NBAS: variants seen among roughly 807,000 people sequenced by gnomAD.
NBAS encodes NBAS subunit of NRZ tethering complex.
NBAS carries 219 observed loss-of-function variants against 302.5 expected under a neutral mutation model. The ratio of observed to expected loss-of-function variants is 0.72; its 90% CI spans 0.65 to 0.81. NBAS has a LOEUF of 0.81. Among genes scored for constraint, NBAS ranks in the 30% least tolerant of loss-of-function variants. The pLI is 0.00. For missense variants in NBAS, 2,932 were observed against 2,841.6 expected (o/e 1.03, Z -0.72); for synonymous variants, 1,118 against 1,021.6 (o/e 1.09, Z -1.80).
chr2:15,023,644 T>C, the NBAS span, among the ~76,000 whole-genome samples: 2 of 79,700 alleles, frequency 2.5e-5, no homozygotes, highest in African/African-American at 4.8e-5. Flanking sequence ...TTATATCTTA[T>C]AGTGATTTTC....
the NBAS span, among the ~76,000 whole-genome samples, chr2:15,074,806 AG>A: frequency 6.6e-6 from 1 of 152,198 alleles, no homozygotes; most frequent in African/African-American, 2.4e-5. Context: ...GAGAAAGCCA[AG>A]TAATAGATCT....
chr2:15,368,700 T>G (rs1290837362), intron 31 of NBAS, among the ~76,000 whole-genome samples: 1 of 152,180 alleles, frequency 6.6e-6, no homozygotes, highest in Non-Finnish European at 1.5e-5. Flanking sequence ...ATATCCCAAA[T>G]TCCTGCTTCA....
chr2:15,351,737 T>TTCTTTACC (rs1042840645), intron 35 of NBAS, among the ~76,000 whole-genome samples: 1 of 152,090 alleles, frequency 6.6e-6, no homozygotes, highest in African/African-American at 2.4e-5. Flanking sequence ...TAGGTACTGC[T>TTCTTTACC]TCTTTACCTG....
At chr2:15,039,252 G>T in the NBAS span, among the ~76,000 whole-genome samples, 2 of 152,166 alleles carry the variant, frequency 1.3e-5, no homozygotes, top group Admixed American at 1.3e-4. Flanking sequence ...AAAGCTATTG[G>T]CGTTGCTGCG....
the NBAS span, among the ~76,000 whole-genome samples, chr2:14,904,217 C>T: frequency 3.3e-5 from 5 of 152,178 alleles, no homozygotes; most frequent in Non-Finnish European, 5.9e-5. Context: ...AACTGGCTCA[C>T]ACGATCACGA....
rs1370149748 is a variant in NBAS, at chr2:15,473,203, C to T, written c.1725+19G>A. On this transcript the variant is annotated intron_variant, in intron 16 of 51. Transcript: ENST00000281513. ...CATGAATATACATTTTACCACATTA[C>T]CAAAATATTTAAACATACCAAATAA... The T allele has an allele frequency of 1.2e-6, 2 of 1,612,912 alleles. No homozygotes were observed. Among genetic ancestry groups the T allele is most frequent in the Admixed American group, 3.3e-5 (2 of 59,970 alleles).
the NBAS span, among the ~76,000 whole-genome samples, chr2:14,871,111 GA>G: frequency 6.6e-6 from 1 of 150,580 alleles, no homozygotes; most frequent in Non-Finnish European, 1.5e-5. Flanking sequence ...CACACAGAAG[GA>G]AAAAAAGATT....
At chr2:15,342,910 G>A (rs1231856164) in intron 35 of NBAS, among the ~76,000 whole-genome samples, 1 of 151,306 alleles carries the variant, frequency 6.6e-6, no homozygotes, top group African/African-American at 2.4e-5. Flanking sequence ...ATAAACTCCA[G>A]TCAACATGGG....
At chr2:15,392,619 AAAG>A (rs143934227) in intron 28 of NBAS, among the ~76,000 whole-genome samples, 2,047 of 152,156 alleles carry the variant, frequency 0.013, 31 homozygotes, top group East Asian at 0.059. Context: ...TAAAGAAATT[AAAG>A]AAGAACTAAG....
chr2:15,024,198 C>T, the NBAS span, among the ~76,000 whole-genome samples: 1 of 141,770 alleles, frequency 7.1e-6, no homozygotes, highest in Admixed American at 7.4e-5. Flanking sequence ...TATTTAGCTC[C>T]CACTTATAAG....
At chr2:15,012,808 C>T in the NBAS span, among the ~76,000 whole-genome samples, 36 of 151,888 alleles carry the variant, frequency 2.4e-4, no homozygotes, top group African/African-American at 8.2e-4. Flanking sequence ...GCAAAACTAC[C>T]CTTCAGAAAT....
chr2:15,385,867 G>T (rs779189478), intron 28 of NBAS, among the ~76,000 whole-genome samples: 6 of 152,064 alleles, frequency 3.9e-5, no homozygotes, highest in Admixed American at 1.3e-4. Context: ...CAGGGACTCC[G>T]TAAGTATTTA....
At position 15,379,685 on chromosome 2, in the gene NBAS, C is replaced by T; in HGVS notation, c.3507G>A (p.Lys1169=). The part of the protein sequence containing the change: ...GKPHYRVSYE[K]SIDLVLAASR... The stretch of plus-strand genomic sequence containing the variant: ...TGGCAGCCAAAACCAAGTCAATACT[C>T]TTTTCGTAGCTGACCCTGTAGTGGG... Residue 1169 remains lysine, a synonymous_variant, in exon 30 of 52, where the codon AAG becomes AAA. Coordinates refer to ENST00000281513, the MANE Select transcript of NBAS (RefSeq NM_015909.4). 6.2e-7 allele frequency: 1 copy of T among 1,614,020 alleles called. No homozygotes were observed. Among genetic ancestry groups the T allele is most frequent in the African/African-American group, 1.3e-5 (1 of 75,018 alleles).
At chr2:15,131,587 AT>A in the NBAS span, among the ~76,000 whole-genome samples, 20 of 152,146 alleles carry the variant, frequency 1.3e-4, no homozygotes, top group Admixed American at 5.2e-4. Flanking sequence ...TCTTTAACTC[AT>A]TTTTTTAAAA....
the NBAS span, among the ~76,000 whole-genome samples, chr2:14,987,351 C>T: frequency 1.3e-5 from 2 of 151,814 alleles, no homozygotes; most frequent in Non-Finnish European, 2.9e-5. Context: ...CATTAGATTT[C>T]CTTCTTTTTT....
intron 38 of NBAS, among the ~76,000 whole-genome samples, chr2:15,311,035 A>G (rs987696256): frequency 1.3e-5 from 2 of 152,202 alleles, no homozygotes; most frequent in African/African-American, 4.8e-5. Context: ...TCAGGTCCCC[A>G]ACTGATTGAC....
In NBAS at chr2:15,466,793, C is replaced by A. The variant is rs147932216; in HGVS notation, c.2097+536G>T. Among the ~76,000 whole-genome samples the A allele has an allele frequency of 8.8e-4, 134 of 151,932 alleles. 1 individual carries two copies. The highest frequency in any genetic ancestry group is 3.2e-3 in the African/African-American group (131 of 41,456). On this transcript the variant is annotated intron_variant, in intron 19 of 51. Coordinates refer to ENST00000281513, the MANE Select transcript of NBAS (RefSeq NM_015909.4). ...TCTCTAAAAAAATGCAAAAATTTGC[C>A]ATGTGTGGTGGCATGTGCCTGTAGT...
intron 44 of NBAS, among the ~76,000 whole-genome samples, chr2:15,247,437 C>T (rs1306856832): frequency 6.6e-6 from 1 of 152,112 alleles, no homozygotes; most frequent in Non-Finnish European, 1.5e-5. Flanking sequence ...ATGACACAGA[C>T]TGGCAAATTG....
At chr2:15,281,406 C>T (rs906108091) in intron 42 of NBAS, among the ~76,000 whole-genome samples, 6 of 152,106 alleles carry the variant, frequency 3.9e-5, no homozygotes, top group Non-Finnish European at 7.3e-5. Flanking sequence ...TCTCACAAAG[C>T]GTATATCTTA....
Sources: gnomAD v4.1 joint callset for allele counts (sites outside exome capture counted in the v4.1 genomes callset) on GRCh38, gnomAD v4.1.1 for gene constraint, MANE v1.5 for transcripts, NCBI Gene and HGNC (gene_info 2026-07-23, HGNC 2026-07-21) for gene names.